The following EFNA5 variants were observed in gnomAD, a reference collection of about 807,000 sequenced individuals.
The protein encoded by EFNA5 is ephrin-A5.
EFNA5 carries 5 observed loss-of-function variants against 22.9 expected under a neutral mutation model. The ratio of observed to expected loss-of-function variants is 0.22; its 90% CI spans 0.11 to 0.46. The LOEUF (loss-of-function observed/expected upper bound fraction) is 0.46, where lower values mean the gene tolerates loss of function less well. Ranked by LOEUF, EFNA5 falls within the 20% of genes least tolerant of loss-of-function variation. The pLI, the probability that EFNA5 is intolerant of heterozygous loss-of-function variation, is 0.99. For synonymous variants in EFNA5, 113 were observed against 112.2 expected (o/e 1.01, Z -0.04); for missense variants, 237 against 293.3 (o/e 0.81, Z 1.40).
Position 107,465,694 on chromosome 5 carries a change from A to G in EFNA5, c.126-38185T>C, listed in dbSNP as rs187659439. Among the ~76,000 whole-genome samples the G allele has an allele frequency of 2.4e-3, 358 of 152,264 alleles. 1 individual carries two copies. Among genetic ancestry groups the G allele is most frequent in the African/African-American group, 7.9e-3 (329 of 41,572 alleles). ...AATGTAGGGATACAATCATGGTGAC[A>G]GTCTTTGTTCAATCTCTGGCTAGTC... On this transcript the variant is annotated intron_variant, in intron 1 of 4. Coordinates refer to ENST00000333274, the MANE Select transcript of EFNA5 (RefSeq NM_001962.3).
chr5:107,392,666 A>C (rs973849745), intron 2 of EFNA5, among the ~76,000 whole-genome samples: 1 of 152,180 alleles, frequency 6.6e-6, no homozygotes, highest in Non-Finnish European at 1.5e-5. Flanking sequence ...GTAATTTCTT[A>C]AGAGCTGATA....
At chr5:107,630,015 C>T (rs1022907110) in intron 1 of EFNA5, among the ~76,000 whole-genome samples, 4 of 149,828 alleles carry the variant, frequency 2.7e-5, no homozygotes, top group Admixed American at 6.6e-5. Context: ...GAGATGGCAC[C>T]ACTGCACTCC....
Position 107,437,932 on chromosome 5 carries a change from C to A in EFNA5, c.126-10423G>T, listed in dbSNP as rs112287212. 1.1e-4 allele frequency among the ~76,000 whole-genome samples: 17 copies of A among 152,280 alleles called. 1 individual carries two copies. The highest frequency in any genetic ancestry group is 3.1e-4 in the African/African-American group (13 of 41,558). On this transcript the variant is annotated intron_variant, in intron 1 of 4. Transcript: ENST00000333274. ...AGAAAATTATGCCTAACCAAGTAGA[C>A]AACTTAAGCACCTAAGGCAGAATGA...
chr5:107,622,125 T>C lies in EFNA5; in HGVS notation c.125+48364A>G, dbSNP rs77026890. On this transcript the variant is annotated intron_variant, in intron 1 of 4. Transcript: ENST00000333274. Reference sequence around the variant, plus strand: ...TATTTACCAATGTGACAAGTCTAAATATGGGACCTACTAGAGGGAGGGAAC... The same window carrying C: ...TATTTACCAATGTGACAAGTCTAAACATGGGACCTACTAGAGGGAGGGAAC... Among the ~76,000 whole-genome samples the C allele has an allele frequency of 3.1e-3, 474 of 152,270 alleles. 2 individuals are homozygous for C. The highest frequency in any genetic ancestry group is 9.5e-3 in the African/African-American group (396 of 41,550).
chr5:107,569,559 TTATATATA>T lies in EFNA5; in HGVS notation c.125+100922_125+100929del, dbSNP rs70996962. Among the ~76,000 whole-genome samples the T allele has an allele frequency of 9.4e-4, 40 of 42,498 alleles. 1 individual carries two copies. The highest frequency in any genetic ancestry group is 3.0e-3 in the East Asian group (5 of 1,656). 27.9% of individuals were successfully genotyped at this position (42,498 alleles called of 152,430 possible). ...TATATATATGTGTGTATATATATAT[TTATATATA>T]TATATATATATATATATATATATAT... is the stretch of plus-strand genomic sequence containing the variant. On this transcript the variant is annotated intron_variant, in intron 1 of 4. Transcript: ENST00000333274.
intron 1 of EFNA5, among the ~76,000 whole-genome samples, chr5:107,649,280 A>T (rs535604595): frequency 1.3e-5 from 2 of 152,300 alleles, no homozygotes; most frequent in South Asian, 2.1e-4. Flanking sequence ...GTATTTTTTT[A>T]AAAGATATTT....
rs149681682 is a variant in EFNA5, at chr5:107,647,647, A to G, written c.125+22842T>C. Among the ~76,000 whole-genome samples the G allele has an allele frequency of 1.9e-4, 29 of 152,326 alleles. No homozygotes were observed. The East Asian group carries it at 4.4e-3, about 23-fold the overall frequency. On this transcript the variant is annotated intron_variant, in intron 1 of 4. Transcript: ENST00000333274. ...AATGAAAAACATTCAGTTCATGTCC[A>G]ACAAATTACTAAATGCAGAAACACC...
intron 1 of EFNA5, among the ~76,000 whole-genome samples, chr5:107,577,001 G>A (rs1748942011): frequency 6.6e-6 from 1 of 152,106 alleles, no homozygotes. Context: ...CTCAGCTTTA[G>A]TCAGAGAATT....
chr5:107,629,587 CTG>C, intron 1 of EFNA5, among the ~76,000 whole-genome samples: 1 of 152,302 alleles, frequency 6.6e-6, no homozygotes, highest in Non-Finnish European at 1.5e-5. Context: ...ATGGGAGAAG[CTG>C]TGCACCTGTG....
chr5:107,416,892 G>A (rs1403827849), intron 2 of EFNA5, among the ~76,000 whole-genome samples: 2 of 152,048 alleles, frequency 1.3e-5, no homozygotes, highest in East Asian at 3.9e-4. Flanking sequence ...TCAAGGTTGA[G>A]GACCAACAGA....
chr5:107,387,140 A>G, intron 4 of EFNA5, 95 bp downstream of exon 4: 1 of 791,780 alleles, frequency 1.3e-6, no homozygotes, highest in Non-Finnish European at 2.0e-6. Context: ...AACAACTATA[A>G]CATGCAAACA....
At chr5:107,504,576 G>A (rs916708530) in intron 1 of EFNA5, among the ~76,000 whole-genome samples, 9 of 152,116 alleles carry the variant, frequency 5.9e-5, no homozygotes, top group African/African-American at 2.2e-4. Flanking sequence ...CTAATGAAAA[G>A]AGCACAGACA....
intron 1 of EFNA5, among the ~76,000 whole-genome samples, chr5:107,487,809 A>G (rs1746682175): frequency 6.6e-6 from 1 of 152,216 alleles, no homozygotes; most frequent in African/African-American, 2.4e-5. Context: ...TGTATCCCCT[A>G]TAGCAACAAG....
chr5:107,548,993 C>G (rs918684609), intron 1 of EFNA5, among the ~76,000 whole-genome samples: 2 of 152,156 alleles, frequency 1.3e-5, no homozygotes, highest in Non-Finnish European at 2.9e-5. Context: ...CACATTTTTG[C>G]AATTACAATT....
chr5:107,633,476 C>T (rs1395198006), intron 1 of EFNA5, among the ~76,000 whole-genome samples: 11 of 152,324 alleles, frequency 7.2e-5, no homozygotes, highest in African/African-American at 2.6e-4. Context: ...CCCTCACTGC[C>T]GGGGCCCCGC....
intron 2 of EFNA5, among the ~76,000 whole-genome samples, chr5:107,405,907 C>T (rs529540526): frequency 2.2e-4 from 32 of 146,066 alleles, no homozygotes; most frequent in African/African-American, 7.6e-4. Context: ...TATTTATATA[C>T]ATAGAATGTA....
intron 1 of EFNA5, among the ~76,000 whole-genome samples, chr5:107,533,887 A>C (rs1232862973): frequency 1.3e-5 from 2 of 152,228 alleles, no homozygotes; most frequent in African/African-American, 4.8e-5. Flanking sequence ...GTCATTAGAC[A>C]ATAGTCAATG....
chr5:107,617,125 G>A (rs1749935266), intron 1 of EFNA5, among the ~76,000 whole-genome samples: 1 of 151,352 alleles, frequency 6.6e-6, no homozygotes, highest in African/African-American at 2.4e-5. Flanking sequence ...CCCTAATTCA[G>A]CAGATACCGC....
chr5:107,623,006 T>C lies in EFNA5; in HGVS notation c.125+47483A>G, dbSNP rs539713763. ...ACTGCAGTCCGCAGTCCGGCCTGGGTGACAGAGCGAGACTCCGTCTCAAAA... is the reference window on the plus strand; with the variant it reads ...ACTGCAGTCCGCAGTCCGGCCTGGGCGACAGAGCGAGACTCCGTCTCAAAA... On this transcript the variant is annotated intron_variant, in intron 1 of 4. Transcript: ENST00000333274. Among the ~76,000 whole-genome samples the C allele has an allele frequency of 4.7e-3, 530 of 112,306 alleles. 10 individuals are homozygous for C. The highest frequency in any genetic ancestry group is 4.2e-3 in the Non-Finnish European group (259 of 61,284). 73.7% of individuals were successfully genotyped at this position (112,306 alleles called of 152,430 possible).
Sources: gnomAD v4.1 joint callset for allele counts (sites outside exome capture counted in the v4.1 genomes callset) on GRCh38, gnomAD v4.1.1 for gene constraint, MANE v1.5 for transcripts, NCBI Gene and HGNC (gene_info 2026-07-23, HGNC 2026-07-21) for gene names.